Variants in NLRP2 observed in about 807,000 individuals in gnomAD.
NLRP2 encodes NACHT, LRR and PYD domains-containing protein 2.
NLRP2 carries 107 observed loss-of-function variants against 97.2 expected under a neutral mutation model. The observed-to-expected ratio is 1.10, with a 90% confidence interval of 0.94 to 1.29. The LOEUF (loss-of-function observed/expected upper bound fraction) is 1.29. Among genes scored for constraint, NLRP2 ranks in the 50% most tolerant of loss-of-function variants. The pLI is 0.00. For missense variants in NLRP2, 1,495 were observed against 1,330.3 expected (o/e 1.12, Z -1.93); for synonymous variants, 663 against 551.5 (o/e 1.20, Z -2.83).
intron 11 of NLRP2, among the ~76,000 whole-genome samples, chr19:54,995,187 C>CTTTTTTTTTTTTTTT (rs34168825): frequency 2.5e-4 from 22 of 87,226 alleles, no homozygotes; most frequent in African/African-American, 9.3e-4. Context: ...GTGGGTGCCT[C>CTTTTTTTTTTTTTTT]TTTTTTTTTT....
intron 12 of NLRP2, among the ~76,000 whole-genome samples, chr19:54,999,694 A>T (rs986835251): frequency 6.6e-6 from 1 of 152,184 alleles, no homozygotes; most frequent in Non-Finnish European, 1.5e-5. Context: ...GAAAAAAAGG[A>T]TTAAAAAGAG....
chr19:54,993,948 C>T (rs1162907643), intron 10 of NLRP2: 7 of 456,458 alleles, frequency 1.5e-5, no homozygotes, highest in Non-Finnish European at 2.4e-5. Context: ...ATCACGTCAC[C>T]TCCTGCTGGC....
Position 54,990,102 on chromosome 19 carries a change from T to C in NLRP2, c.2447T>C (p.Val816Ala). The change falls in exon 9 of 13, where the codon GTA becomes GCA. Residue 816 changes from valine to alanine, a missense_variant. Val to Ala is a moderately conservative substitution (Grantham distance 64). Coordinates refer to ENST00000448584, the MANE Select transcript of NLRP2 (RefSeq NM_017852.5). ...ALEVNQSLTC[V>A]NLSDNELLDE... ...GAAGTCAACCAGTCCCTGACGTGCG[T>C]AAACCTCTCCGACAATGAGCTTCTG... 1 of 1,614,190 alleles carries C rather than the reference T, an allele frequency of 6.2e-7. No individual in the cohort carries two copies. Among genetic ancestry groups the C allele is most frequent in the Non-Finnish European group, 8.5e-7 (1 of 1,180,036 alleles).
Position 54,983,359 on chromosome 19 carries a change from G to GCTA in NLRP2, c.1667_1669dup (p.Tyr556dup), listed in dbSNP as rs773261362. ...AGGAACCCCGACCTGATCCAAGCAG[G>GCTA]CTACTACTCCTTTGGCCTCGCTAAC... On this transcript the variant is annotated inframe_insertion, in exon 6 of 13. Coordinates refer to ENST00000448584, the MANE Select transcript of NLRP2 (RefSeq NM_017852.5). 4 of 1,614,204 alleles carry GCTA rather than the reference G, an allele frequency of 2.5e-6. No individual in the cohort carries two copies. The highest frequency in any genetic ancestry group is 3.4e-6 in the Non-Finnish European group (4 of 1,180,048).
At chr19:54,989,099 A>G (rs1403734499) in intron 8 of NLRP2, among the ~76,000 whole-genome samples, 2 of 151,932 alleles carry the variant, frequency 1.3e-5, no homozygotes, top group East Asian at 3.9e-4. Context: ...CTGGGACTAC[A>G]GGCACGTGTC....
chr19:54,998,922 C>G (rs1046379867), intron 12 of NLRP2, among the ~76,000 whole-genome samples: 1 of 151,602 alleles, frequency 6.6e-6, no homozygotes, highest in Non-Finnish European at 1.5e-5. Context: ...GGACACAGCA[C>G]ATGTTTCAGA....
intron 12 of NLRP2, among the ~76,000 whole-genome samples, chr19:54,999,189 C>T (rs1178168443): frequency 6.6e-6 from 1 of 152,182 alleles, no homozygotes; most frequent in Non-Finnish European, 1.5e-5. Flanking sequence ...CTCTTGTTGT[C>T]CAGCCTGGAG....
At chr19:54,984,360 C>CA (rs1602378691) in intron 6 of NLRP2, among the ~76,000 whole-genome samples, 1 of 61,126 alleles carries the variant, frequency 1.6e-5, no homozygotes, top group East Asian at 3.7e-4. Flanking sequence ...TTTGGAAAGA[C>CA]AAAATCTCAC....
At chr19:54,974,269 G>C (rs113126546) in intron 2 of NLRP2, 6,243 of 598,086 alleles carry the variant, frequency 0.01, 317 homozygotes, top group African/African-American at 0.1. Flanking sequence ...CAGGAGAATC[G>C]CTTGAACCTG....
chr19:54,983,943 C>T (rs772381274), intron 6 of NLRP2, among the ~76,000 whole-genome samples: 12 of 152,098 alleles, frequency 7.9e-5, no homozygotes, highest in South Asian at 2.1e-4. Context: ...CTCCGCCTCC[C>T]GGGTTCAAGT....
At chr19:54,973,802 A>T in intron 2 of NLRP2, 1 of 594,166 alleles carries the variant, frequency 1.7e-6, no homozygotes, top group African/African-American at 1.8e-5. Flanking sequence ...CCATGCCAAT[A>T]GCGCTCACAC....
chr19:54,984,327 G>GGGTTTTTT (rs2071878885), intron 6 of NLRP2, among the ~76,000 whole-genome samples: 1 of 43,350 alleles, frequency 2.3e-5, no homozygotes, highest in African/African-American at 1.5e-4. Flanking sequence ...GTTTTTTTTT[G>GGGTTTTTT]TGTTTTTTTT....
intron 10 of NLRP2, among the ~76,000 whole-genome samples, chr19:54,992,217 A>G (rs562715212): frequency 1.3e-5 from 2 of 152,094 alleles, no homozygotes; most frequent in African/African-American, 2.4e-5. Context: ...CCAGCCATAC[A>G]TATCTCTGGT....
intron 2 of NLRP2, among the ~76,000 whole-genome samples, chr19:54,973,621 A>G (rs1302319352): frequency 6.6e-6 from 1 of 151,920 alleles, no homozygotes; most frequent in Non-Finnish European, 1.5e-5. Context: ...TGATCTGCCC[A>G]CCTCAGCCTC....
chr19:54,977,954 C>A, intron 4 of NLRP2, 131 bp downstream of exon 4: 1 of 852,608 alleles, frequency 1.2e-6, no homozygotes. Flanking sequence ...TGCCCACTGT[C>A]TCCTGGAGAA....
Position 54,982,317 on chromosome 19 carries a change from T to C in NLRP2, c.619T>C (p.Tyr207His). The C allele has an allele frequency of 1.9e-6, 3 of 1,614,116 alleles. No individual in the cohort carries two copies. Among genetic ancestry groups the C allele is most frequent in the Non-Finnish European group, 8.5e-7 (1 of 1,180,012 alleles). Residue 207 changes from tyrosine (Y) to histidine (H), a missense_variant, in exon 6 of 13, where the codon TAC (tyrosine) becomes CAC (histidine). Coordinates refer to ENST00000448584, the MANE Select transcript of NLRP2 (RefSeq NM_017852.5). ...CAGGGTGCTTCCCGGGCCCTTCTCATACACGGTGGTGCTGTATGGTCCTGC... is the reference window on the plus strand; with the variant it reads ...CAGGGTGCTTCCCGGGCCCTTCTCACACACGGTGGTGCTGTATGGTCCTGC... The part of the protein sequence containing the change: ...NPRVLPGPFS[Y>H]TVVLYGPAGL...
At chr19:54,985,329 C>T in intron 7 of NLRP2, 112 bp downstream of exon 7, 6 of 1,016,060 alleles carry the variant, frequency 5.9e-6, no homozygotes, top group Non-Finnish European at 9.2e-6. Flanking sequence ...GCTCGAGACA[C>T]AGGGAATTGA....
intron 2 of NLRP2, among the ~76,000 whole-genome samples, chr19:54,970,704 C>G (rs1337567427): frequency 6.8e-6 from 1 of 146,670 alleles, no homozygotes; most frequent in Admixed American, 6.8e-5. Context: ...ACTGCTTGTT[C>G]TGAATGCAGG....
intron 7 of NLRP2, among the ~76,000 whole-genome samples, chr19:54,985,677 CAAAAA>C (rs113852885): frequency 5.1e-4 from 35 of 68,010 alleles, no homozygotes; most frequent in East Asian, 1.3e-3. Context: ...GACTGCGTCT[CAAAAA>C]AAAAAAAAAA....
Sources: gnomAD v4.1 joint callset for allele counts (sites outside exome capture counted in the v4.1 genomes callset) on GRCh38, gnomAD v4.1.1 for gene constraint, MANE v1.5 for transcripts, NCBI Gene and HGNC (gene_info 2026-07-23, HGNC 2026-07-21) for gene names.